CNBD1: variants seen among roughly 807,000 people sequenced by gnomAD.
CNBD1 encodes the protein cyclic nucleotide-binding domain-containing protein 1.
CNBD1 carries 71 observed loss-of-function variants against 54.4 expected under a neutral mutation model. The observed-to-expected ratio is 1.30, with a 90% CI of 1.08 to 1.59. The LOEUF (loss-of-function observed/expected upper bound fraction) is 1.59, where lower values mean the gene tolerates loss of function less well. Among genes scored for constraint, CNBD1 ranks in the 40% most tolerant of loss-of-function variants. CNBD1 has a pLI of 0.00. For missense variants in CNBD1, 659 were observed against 518.0 expected, an observed-to-expected ratio of 1.27 and a Z score of -2.64; for synonymous variants, 182 against 170.7, an observed-to-expected ratio of 1.07 and a Z score of -0.51.
chr8:87,142,886 A>G (rs1386270836), intron 4 of CNBD1, among the ~76,000 whole-genome samples: 1 of 70,500 alleles, frequency 1.4e-5, no homozygotes, highest in African/African-American at 5.9e-5. Flanking sequence ...GTGTCTGTGT[A>G]TGCATTCATT....
chr8:87,251,012 G>T (rs1422425907), intron 6 of CNBD1, among the ~76,000 whole-genome samples: 2 of 135,792 alleles, frequency 1.5e-5, no homozygotes, highest in Non-Finnish European at 3.4e-5. Flanking sequence ...AACAATAAAA[G>T]CTTGAGGTGA....
intron 4 of CNBD1, among the ~76,000 whole-genome samples, chr8:87,095,671 T>A (rs886995572): frequency 6.6e-6 from 1 of 152,206 alleles, no homozygotes; most frequent in Non-Finnish European, 1.5e-5. Flanking sequence ...CTCGTCTTTT[T>A]TTTTGAGACG....
At chr8:87,408,984 A>G (rs1011070229) in intron 2 of CNBD1, among the ~76,000 whole-genome samples, 1 of 152,090 alleles carries the variant, frequency 6.6e-6, no homozygotes, top group Non-Finnish European at 1.5e-5. Flanking sequence ...CAAAATTCAA[A>G]TTAGGCCAAT....
chr8:87,089,113 A>C (rs1811155460), intron 4 of CNBD1, among the ~76,000 whole-genome samples: 1 of 152,170 alleles, frequency 6.6e-6, no homozygotes, highest in Non-Finnish European at 1.5e-5. Context: ...GAAAGATCAC[A>C]GCATTTCAGG....
intron 4 of CNBD1, among the ~76,000 whole-genome samples, chr8:87,086,319 T>C (rs1347934876): frequency 2.6e-5 from 4 of 152,218 alleles, no homozygotes; most frequent in Non-Finnish European, 5.9e-5. Flanking sequence ...ACACCTGACT[T>C]TTCTTAGGTA....
intron 8 of CNBD1, among the ~76,000 whole-genome samples, chr8:87,348,856 A>G (rs1586035691): frequency 6.6e-6 from 1 of 152,192 alleles, no homozygotes; most frequent in African/African-American, 2.4e-5. Flanking sequence ...TTCTGGGCGT[A>G]TGATAAACAA....
chr8:87,418,318 C>A (rs896187666), intron 2 of CNBD1, among the ~76,000 whole-genome samples: 2 of 151,774 alleles, frequency 1.3e-5, no homozygotes, highest in African/African-American at 2.4e-5. Flanking sequence ...TATTCACATG[C>A]AAAATATGAA....
chr8:87,083,334 C>T (rs996206461), intron 4 of CNBD1, among the ~76,000 whole-genome samples: 3 of 152,146 alleles, frequency 2.0e-5, no homozygotes, highest in African/African-American at 7.2e-5. Flanking sequence ...AACTAAGAGT[C>T]TAGCACCTTT....
At chr8:86,910,795 A>G (rs1171525697) in intron 3 of CNBD1, among the ~76,000 whole-genome samples, 1 of 152,180 alleles carries the variant, frequency 6.6e-6, no homozygotes, top group Non-Finnish European at 1.5e-5. Flanking sequence ...TTAAGAGCAG[A>G]GGTTTAATAG....
chr8:86,989,495 G>T (rs1327088466), intron 4 of CNBD1, among the ~76,000 whole-genome samples: 1 of 152,018 alleles, frequency 6.6e-6, no homozygotes, highest in Non-Finnish European at 1.5e-5. Context: ...CTGTTGCCCA[G>T]GCTAGAGTGC....
intron 6 of CNBD1, among the ~76,000 whole-genome samples, chr8:87,265,405 CT>C (rs1586375683): frequency 6.6e-6 from 1 of 152,050 alleles, no homozygotes; most frequent in Non-Finnish European, 1.5e-5. Flanking sequence ...TTACTGTAGC[CT>C]TGTAGTGTAG....
rs116690762 is a variant in CNBD1, at chr8:87,299,705, G to C, written c.1042+13034G>C. 8.0e-3 allele frequency among the ~76,000 whole-genome samples: 1,223 copies of C among 152,262 alleles called. 6 individuals are homozygous for C. Among genetic ancestry groups the C allele is most frequent in the African/African-American group, 0.028 (1,154 of 41,548 alleles). ...AGAGTGAGTAATAGCTATGAAAATT[G>C]TCCCAGATCATTTGTCACCTGGGTG... On this transcript the variant is annotated intron_variant, in intron 8 of 10. Transcript: ENST00000518476.
At chr8:87,125,851 T>C (rs533541554) in intron 4 of CNBD1, among the ~76,000 whole-genome samples, 43 of 152,034 alleles carry the variant, frequency 2.8e-4, no homozygotes, top group Non-Finnish European at 4.7e-4. Context: ...CACTCCTTTT[T>C]CTAGACAAAG....
chr8:87,137,040 T>C (rs1251075216), intron 4 of CNBD1, among the ~76,000 whole-genome samples: 1 of 112,394 alleles, frequency 8.9e-6, no homozygotes, highest in East Asian at 2.3e-4. Context: ...ATTTATATTC[T>C]ATGTAAATTA....
At chr8:87,337,876 T>A (rs1005047294) in intron 8 of CNBD1, among the ~76,000 whole-genome samples, 1 of 152,208 alleles carries the variant, frequency 6.6e-6, no homozygotes, top group Non-Finnish European at 1.5e-5. Context: ...ATCTTTCCAA[T>A]GGGATTCTTT....
intron 4 of CNBD1, among the ~76,000 whole-genome samples, chr8:87,138,933 G>C (rs983814302): frequency 1.3e-5 from 2 of 152,176 alleles, no homozygotes; most frequent in Admixed American, 6.5e-5. Flanking sequence ...AGGCTTTATT[G>C]AGTAAAAGTG....
intron 10 of CNBD1, among the ~76,000 whole-genome samples, chr8:87,360,180 A>G (rs532278108): frequency 6.6e-6 from 1 of 152,106 alleles, no homozygotes; most frequent in South Asian, 2.1e-4. Context: ...GGTAGAATAG[A>G]ATCTAGAGAA....
intron 2 of CNBD1, among the ~76,000 whole-genome samples, chr8:87,423,047 G>T (rs1338159375): frequency 2.6e-5 from 4 of 151,862 alleles, no homozygotes; most frequent in Non-Finnish European, 5.9e-5. Context: ...TTGTGAAAGG[G>T]AGTTCACTCA....
intron 10 of CNBD1, among the ~76,000 whole-genome samples, chr8:87,379,407 C>T (rs1454455006): frequency 1.3e-5 from 2 of 151,852 alleles, no homozygotes; most frequent in Non-Finnish European, 2.9e-5. Flanking sequence ...GAACTCTCCA[C>T]CCCAAATCAA....
Sources: allele counts gnomAD v4.1 joint callset (sites outside exome capture counted in the v4.1 genomes callset), GRCh38; gene constraint gnomAD v4.1.1; transcripts MANE v1.5; gene names NCBI Gene and HGNC (gene_info 2026-07-23, HGNC 2026-07-21).